The following LARGE1 variants were observed in gnomAD, a reference collection of about 807,000 sequenced individuals.
LARGE1 encodes the protein xylosyl- and glucuronyltransferase LARGE1.
Under a neutral mutation model 87.6 loss-of-function variants are expected in LARGE1, and 43 were observed. The ratio of observed to expected loss-of-function variants is 0.49; its 90% CI spans 0.38 to 0.63. LARGE1 has a LOEUF of 0.63. Ranked by LOEUF, LARGE1 falls within the 30% of genes least tolerant of loss-of-function variation. LARGE1 has a pLI of 0.00. For synonymous variants in LARGE1, 434 were observed against 394.6 expected, an observed-to-expected ratio of 1.10 and a Z score of -1.18; for missense variants, 802 against 1,000.2, an observed-to-expected ratio of 0.80 and a Z score of 2.67.
chr22:33,729,287 A>G (rs2083379910), intron 2 of LARGE1, among the ~76,000 whole-genome samples: 1 of 152,222 alleles, frequency 6.6e-6, no homozygotes, highest in Non-Finnish European at 1.5e-5. Flanking sequence ...TACTGACTGC[A>G]ATCAACCATC....
chr22:33,393,620 G>A (rs2065610147), intron 7 of LARGE1, among the ~76,000 whole-genome samples: 1 of 152,216 alleles, frequency 6.6e-6, no homozygotes, highest in Non-Finnish European at 1.5e-5. Flanking sequence ...GGTGGAAGGT[G>A]GTGCCAAAAA....
At chr22:33,728,073 A>G (rs1003733105) in intron 2 of LARGE1, among the ~76,000 whole-genome samples, 1 of 152,144 alleles carries the variant, frequency 6.6e-6, no homozygotes. Context: ...GTCTTGCTCA[A>G]AGCCCTTGAA....
chr22:33,473,056 A>C (rs926079403), intron 6 of LARGE1, among the ~76,000 whole-genome samples: 2 of 152,218 alleles, frequency 1.3e-5, no homozygotes, highest in African/African-American at 4.8e-5. Flanking sequence ...TTAATGCTAA[A>C]ATTGGGAAAG....
At chr22:33,408,693 G>A (rs1336570081) in intron 7 of LARGE1, among the ~76,000 whole-genome samples, 1 of 145,904 alleles carries the variant, frequency 6.9e-6, no homozygotes, top group Non-Finnish European at 1.5e-5. Context: ...AAATAGACTT[G>A]TCTTTTTTTT....
intron 11 of LARGE1, among the ~76,000 whole-genome samples, chr22:33,247,297 A>G (rs1299657488): frequency 6.6e-6 from 1 of 152,238 alleles, no homozygotes; most frequent in Non-Finnish European, 1.5e-5. Flanking sequence ...GTCAGTATCT[A>G]GAATAAACTG....
chr22:33,886,627 T>A (rs1246264089), intron 1 of LARGE1, among the ~76,000 whole-genome samples: 1 of 111,542 alleles, frequency 9.0e-6, no homozygotes, highest in Non-Finnish European at 1.6e-5. Context: ...GCCGAGATCA[T>A]GCACCTGGAC....
intron 4 of LARGE1, 130 bp downstream of exon 4, chr22:33,626,114 C>A (rs1465040657): frequency 1.3e-6 from 1 of 777,322 alleles, no homozygotes; most frequent in East Asian, 2.6e-5. Context: ...GGGTTTCAGA[C>A]AAAAATTACA....
At chr22:33,283,463 G>C in intron 12 of LARGE1, 115 bp from the exon 13 acceptor site, 1 of 1,160,168 alleles carries the variant, frequency 8.6e-7, no homozygotes, top group Non-Finnish European at 1.3e-6. Context: ...GAAAGCTCAG[G>C]TCATCCTCTC....
At chr22:33,655,322 C>T (rs2080929015) in intron 2 of LARGE1, among the ~76,000 whole-genome samples, 1 of 152,156 alleles carries the variant, frequency 6.6e-6, no homozygotes, top group Non-Finnish European at 1.5e-5. Flanking sequence ...CAAGAGAACT[C>T]ATCTTGCCTG....
At chr22:33,316,059 GGGGT>G (rs1569046718) in intron 11 of LARGE1, 22 bp downstream of exon 11, 1 of 1,611,924 alleles carries the variant, frequency 6.2e-7, no homozygotes, top group South Asian at 1.1e-5. Context: ...TGAGGAGACT[GGGGT>G]GGGTGAGGCC....
intron 11 of LARGE1, among the ~76,000 whole-genome samples, chr22:33,237,352 A>G (rs1235186116): frequency 2.0e-5 from 3 of 152,180 alleles, no homozygotes; most frequent in Non-Finnish European, 4.4e-5. Flanking sequence ...AGATAATTGA[A>G]CTCTGTGGTT....
At chr22:33,865,993 T>C (rs2064090163) in intron 1 of LARGE1, among the ~76,000 whole-genome samples, 1 of 151,556 alleles carries the variant, frequency 6.6e-6, no homozygotes, top group South Asian at 2.1e-4. Flanking sequence ...GGACTACAGA[T>C]GCACACCACC....
Position 33,898,060 on chromosome 22 carries a change from G to A in LARGE1, c.-83+21935C>T, listed in dbSNP as rs535985881. On this transcript the variant is annotated intron_variant, in intron 1 of 14. Transcript: ENST00000397394. ...TCCTGTCACTCCTTTCAGCATACAC[G>A]TGGCCACAGCTGTAGCCACCCAAAA... Among the ~76,000 whole-genome samples, 6 of 152,252 alleles carry A rather than the reference G, an allele frequency of 3.9e-5. No homozygotes were observed. The East Asian group carries it at 5.8e-4, about 15-fold the overall frequency.
At chr22:33,309,238 C>T (rs1935289854) in intron 11 of LARGE1, among the ~76,000 whole-genome samples, 1 of 151,826 alleles carries the variant, frequency 6.6e-6, no homozygotes, top group African/African-American at 2.4e-5. Context: ...GCGATCTCAG[C>T]TCACTGCAAC....
At position 33,524,833 on chromosome 22, in the gene LARGE1, A is replaced by G. The variant is rs1335462688; in HGVS notation, c.787+40015T>C. Reference sequence around the variant, plus strand: ...TATAAGCAAAGTACAGCCCACTGGGAAAAAGTACTGCAAAGAAGGTCCTTT... The same window carrying G: ...TATAAGCAAAGTACAGCCCACTGGGGAAAAGTACTGCAAAGAAGGTCCTTT... On this transcript the variant is annotated intron_variant, in intron 6 of 14. Transcript: ENST00000397394. Among the ~76,000 whole-genome samples, 3 of 152,090 alleles carry G rather than the reference A, an allele frequency of 2.0e-5. No homozygotes were observed. In the East Asian group the frequency reaches 5.8e-4, roughly 29 times the overall value.
chr22:33,572,187 A>G (rs2078225610), intron 5 of LARGE1: 1 of 1,289,176 alleles, frequency 7.8e-7, no homozygotes, highest in African/African-American at 1.5e-5. Flanking sequence ...ACCTTGACAT[A>G]TTTTAAAAAA....
chr22:33,448,374 G>A (rs765469427), intron 6 of LARGE1, among the ~76,000 whole-genome samples: 7 of 151,952 alleles, frequency 4.6e-5, no homozygotes, highest in African/African-American at 7.3e-5. Context: ...TCAAAACATC[G>A]GCTTATATAC....
intron 2 of LARGE1, among the ~76,000 whole-genome samples, chr22:33,675,318 A>AAAAAAAAAAAAAAAAAAAG (rs56272266): frequency 6.9e-6 from 1 of 145,792 alleles, no homozygotes; most frequent in African/African-American, 2.5e-5. Flanking sequence ...AAAAAAAAAA[A>AAAAAAAAAAAAAAAAAAAG]GAACACAAGA....
chr22:33,346,455 G>A lies in LARGE1; in HGVS notation c.1132-8654C>T, dbSNP rs369532424. ...GTAGCTGGGACTACAGGCATGCGCC[G>A]CCACGCCTGGCTATGTTTTGTATTT... On this transcript the variant is annotated intron_variant, in intron 9 of 14. Transcript: ENST00000397394. 2.5e-3 allele frequency among the ~76,000 whole-genome samples: 378 copies of A among 151,960 alleles called. 1 individual carries two copies. Among genetic ancestry groups the A allele is most frequent in the Non-Finnish European group, 4.6e-3 (312 of 67,926 alleles).
Sources: allele counts gnomAD v4.1 joint callset (sites outside exome capture counted in the v4.1 genomes callset), GRCh38; gene constraint gnomAD v4.1.1; transcripts MANE v1.5; gene names NCBI Gene and HGNC (gene_info 2026-07-23, HGNC 2026-07-21).